Variants in MFN2 observed in about 807,000 individuals in gnomAD.
MFN2 encodes mitofusin-2.
Under a neutral mutation model 87.5 loss-of-function variants are expected in MFN2, and 43 were observed. The ratio of observed to expected loss-of-function variants is 0.49; its 90% CI spans 0.38 to 0.63. The LOEUF (loss-of-function observed/expected upper bound fraction) is 0.63, where lower values mean the gene tolerates loss of function less well. Among genes scored for constraint, MFN2 ranks in the 30% least tolerant of loss-of-function variants. The probability of loss-of-function intolerance (pLI) is 0.00; values close to 1 mark genes in which losing one functional copy is unlikely to be tolerated. For missense variants in MFN2, 743 were observed against 972.8 expected, an observed-to-expected ratio of 0.76 and a Z score of 3.14; for synonymous variants, 337 against 359.9, an observed-to-expected ratio of 0.94 and a Z score of 0.72.
intron 1 of MFN2, 69 bp downstream of exon 1, chr1:11,980,553 G>A (rs1394861573): frequency 5.0e-6 from 2 of 397,784 alleles, no homozygotes; most frequent in East Asian, 7.1e-5. Context: ...TGAGCAGCTC[G>A]GCGTGGGCCG....
rs554383656 is a variant in MFN2 at position 12,009,564 on chromosome 1, AACTGG to A, written c.2070-27_2070-23del. 4.2e-4 allele frequency: 684 copies of A among 1,614,116 alleles called. No individual in the cohort carries two copies. In the African/African-American group the frequency reaches 7.6e-3, roughly 18 times the overall value. On this transcript the variant is annotated intron_variant, in intron 17 of 18. Transcript: ENST00000235329. The stretch of plus-strand genomic sequence containing the variant: ...AGTGGCATCTTGCTCCACACACCCC[AACTGG>A]GTCCCTTCTCTCTCCTCCCCAGGGA...
chr1:12,006,980 C>G (rs1639450558), intron 16 of MFN2, 73 bp from the exon 17 acceptor site: 5 of 1,578,752 alleles, frequency 3.2e-6, no homozygotes, highest in Non-Finnish European at 4.3e-6. Flanking sequence ...TCAGATGGCC[C>G]TGGTAGTGAT....
At chr1:12,002,196 A>G in intron 11 of MFN2, 93 bp downstream of exon 11, 3 of 1,597,878 alleles carry the variant, frequency 1.9e-6, no homozygotes, top group South Asian at 1.1e-5. Flanking sequence ...CCTTGATGGC[A>G]GGGCTGAGTC....
In MFN2 at chr1:12,009,488, A is replaced by G. The variant is rs532356673; in HGVS notation, c.2070-104A>G. On this transcript the variant is annotated intron_variant, in intron 17 of 18. Transcript: ENST00000235329. ...CCTGGCTCAGGGCAGAGCTGCTGGC[A>G]GGGATATAGACAGGCCCAGCTGCTC... is the stretch of plus-strand genomic sequence containing the variant. 4 of 1,513,112 alleles carry G rather than the reference A, an allele frequency of 2.6e-6. No individual in the cohort carries two copies. In the African/African-American group the frequency reaches 4.1e-5, roughly 16 times the overall value. The allele number at this position is 1,513,112 out of a possible 1,614,324, so 93.7% of individuals were successfully genotyped here.
Position 12,012,888 on chromosome 1 carries a change from CA to C in MFN2, c.*1328del. On this transcript the variant is annotated 3_prime_UTR_variant, in exon 19 of 19. Coordinates refer to ENST00000235329, the MANE Select transcript of MFN2 (RefSeq NM_014874.4). ...TCCTAGAAATAAGCAACACCTCTCC[CA>C]AAAAGCAGCCCACAAGGCAGGGGCC... is the stretch of plus-strand genomic sequence containing the variant. 1 of 153,656 alleles carries C rather than the reference CA, an allele frequency of 6.5e-6. No individual in the cohort carries two copies. Among genetic ancestry groups the C allele is most frequent in the Non-Finnish European group, 1.5e-5 (1 of 68,938 alleles). 9.5% of individuals were successfully genotyped at this position (153,656 alleles called of 1,614,324 possible).
chr1:11,989,829 CG>C (rs926928362), intron 3 of MFN2, among the ~76,000 whole-genome samples: 92 of 152,308 alleles, frequency 6.0e-4, no homozygotes, highest in African/African-American at 2.2e-3. Context: ...AGGAAACTCA[CG>C]TCACCTATGC....
intron 2 of MFN2, among the ~76,000 whole-genome samples, chr1:11,984,922 G>A (rs185939560): frequency 2.0e-4 from 30 of 152,330 alleles, no homozygotes; most frequent in African/African-American, 7.2e-4. Flanking sequence ...GTAAACGTAA[G>A]TAAGTGTTTC....
chr1:11,992,414 C>A, intron 3 of MFN2, 141 bp from the exon 4 acceptor site: 1 of 1,042,874 alleles, frequency 9.6e-7, no homozygotes, highest in Admixed American at 1.8e-5. Flanking sequence ...CATAGAGGAT[C>A]TGGAGCTCAG....
chr1:12,006,918 A>G, intron 16 of MFN2, 135 bp from the exon 17 acceptor site: 2 of 1,321,036 alleles, frequency 1.5e-6, no homozygotes, highest in Non-Finnish European at 2.2e-6. Flanking sequence ...CAAAGGAGAC[A>G]TTGAAAGAGG....
chr1:11,991,923 CAAAAAAAAAAAAAA>C (rs35314016), intron 3 of MFN2, among the ~76,000 whole-genome samples: 417 of 16,762 alleles, frequency 0.025, 8 homozygotes, highest in African/African-American at 0.073. Context: ...GACTCCGTCT[CAAAAAAAAAAAAAA>C]AAAAAAAAAA....
chr1:11,990,152 G>A (rs560224424), intron 3 of MFN2, among the ~76,000 whole-genome samples: 2 of 152,270 alleles, frequency 1.3e-5, no homozygotes, highest in African/African-American at 2.4e-5. Flanking sequence ...CTGGCTCAGG[G>A]GGGCCACCTT....
In MFN2 at chr1:12,004,315, C is replaced by T. The variant is rs1300156719; in HGVS notation, c.1288-194C>T. Reference sequence around the variant, plus strand: ...GGCATGTTCCCTTTCCTCTGGACCTCCACAGATCATGTGGGCGTTTGATCA... The same window carrying T: ...GGCATGTTCCCTTTCCTCTGGACCTTCACAGATCATGTGGGCGTTTGATCA... On this transcript the variant is annotated intron_variant, in intron 12 of 18. Coordinates refer to ENST00000235329, the MANE Select transcript of MFN2 (RefSeq NM_014874.4). The surrounding 1 kb of genome is among the most constrained non-coding windows in gnomAD (Gnocchi z 4.2). Among the ~76,000 whole-genome samples the T allele has an allele frequency of 6.6e-6, 1 of 152,144 alleles. No individual in the cohort carries two copies. The highest frequency in any genetic ancestry group is 6.6e-5 in the Admixed American group (1 of 15,264).
Position 12,013,208 on chromosome 1 carries a change from C to A in MFN2, c.*1643C>A, listed in dbSNP as rs1035683232. On this transcript the variant is annotated 3_prime_UTR_variant, in exon 19 of 19. Transcript: ENST00000235329. ...GTGCTCTTTTTGAAAAAAAAAAATT[C>A]TTTAGCGTAAACATGAATTTTTTTT... 2.4e-5 allele frequency: 8 copies of A among 330,782 alleles called. No homozygotes were observed. The highest frequency in any genetic ancestry group is 6.4e-4 in the Middle Eastern group (1 of 1,574). The allele number at this position is 330,782 out of a possible 1,614,324, so 20.5% of individuals were successfully genotyped here.
At chr1:11,984,173 C>T (rs1247901106) in intron 2 of MFN2, among the ~76,000 whole-genome samples, 2 of 152,190 alleles carry the variant, frequency 1.3e-5, no homozygotes, top group African/African-American at 4.8e-5. Context: ...AAACATTGAC[C>T]AGAACTTAAA....
rs761842762 is a variant in MFN2, at chr1:11,998,760, T to TCA, written c.600-8_600-7dup. The TCA allele has an allele frequency of 8.7e-6, 14 of 1,613,440 alleles. No homozygotes were observed. The highest frequency in any genetic ancestry group is 4.0e-5 in the African/African-American group (3 of 74,910). On this transcript the variant is annotated splice_polypyrimidine_tract_variant and intron_variant, in intron 6 of 18. Transcript: ENST00000235329. ...TGCCTGATGATTTGGTTTACCCCTG[T>TCA]CACCTTTAGCCCTGGTATTGATGTC...
At chr1:11,999,545 A>G (rs1009076846) in intron 8 of MFN2, among the ~76,000 whole-genome samples, 4 of 151,960 alleles carry the variant, frequency 2.6e-5, no homozygotes, top group South Asian at 2.1e-4. Flanking sequence ...TTTGGTAGAG[A>G]CGGGGTTTTG....
chr1:11,995,295 C>T (rs535809064), intron 4 of MFN2, among the ~76,000 whole-genome samples: 8 of 151,614 alleles, frequency 5.3e-5, no homozygotes, highest in African/African-American at 1.9e-4. Flanking sequence ...ACAACAACAA[C>T]AAAAAACCCC....
chr1:12,006,426 A>G, intron 15 of MFN2, 112 bp from the exon 16 acceptor site: 3 of 1,431,902 alleles, frequency 2.1e-6, no homozygotes, highest in Non-Finnish European at 2.9e-6. Context: ...GCCTTTTGGA[A>G]ATTGAAGAGC....
chr1:11,999,823 G>A (rs1019103767), intron 8 of MFN2, among the ~76,000 whole-genome samples: 8 of 151,918 alleles, frequency 5.3e-5, no homozygotes, highest in African/African-American at 1.9e-4. Flanking sequence ...GGCCGGGCGC[G>A]GTGGCTCACG....
Sources: allele counts gnomAD v4.1 joint callset (sites outside exome capture counted in the v4.1 genomes callset), GRCh38; gene constraint gnomAD v4.1.1; non-coding constraint Gnocchi (gnomAD v3.1); transcripts MANE v1.5; gene names NCBI Gene and HGNC (gene_info 2026-07-23, HGNC 2026-07-21).